Variants in UBR4 observed in about 807,000 individuals in gnomAD.
UBR4 encodes the protein E3 ubiquitin-protein ligase UBR4.
UBR4 carries 124 observed loss-of-function variants against 575.6 expected under a neutral mutation model. The observed-to-expected ratio is 0.22, with a 90% CI of 0.19 to 0.25. UBR4 has a LOEUF of 0.25. Ranked by LOEUF, UBR4 falls within the 10% of genes least tolerant of loss-of-function variation. The probability of loss-of-function intolerance (pLI) is 1.00; values close to 1 mark genes in which losing one functional copy is unlikely to be tolerated. For synonymous variants in UBR4, 2,455 were observed against 2,473.7 expected (o/e 0.99, Z 0.22); for missense variants, 4,818 against 6,478.8 (o/e 0.74, Z 8.80).
intron 99 of UBR4, 112 bp from the exon 100 acceptor site, chr1:19,086,933 T>G: frequency 6.9e-7 from 1 of 1,451,980 alleles, no homozygotes; most frequent in Non-Finnish European, 9.3e-7. Context: ...GGGTTTCAGG[T>G]TGCTCTCACT....
chr1:19,155,596 C>G lies in UBR4; in HGVS notation c.6145G>C (p.Val2049Leu). Reference protein sequence around the residue: ...FLLPSSKIRDVTFLFNEEGKN... With the variant: ...FLLPSSKIRDLTFLFNEEGKN... ...CCCTCCTCATTGAAAAGGAAGGTAACATCTCTTATCTTTGAGCTTGGCAGG... is the reference window on the plus strand; with the variant it reads ...CCCTCCTCATTGAAAAGGAAGGTAAGATCTCTTATCTTTGAGCTTGGCAGG... Residue 2049 changes from valine to leucine, a missense_variant, in exon 43 of 106, where the codon GTT becomes CTT. This residue lies in a region of UBR4 where 461 missense variants were observed against 606.9 expected (regional missense o/e 0.76). Transcript: ENST00000375254. The G allele has an allele frequency of 6.2e-7, 1 of 1,614,146 alleles. No individual in the cohort carries two copies. Among genetic ancestry groups the G allele is most frequent in the Non-Finnish European group, 8.5e-7 (1 of 1,180,030 alleles).
chr1:19,103,514 A>G (rs7515874), intron 87 of UBR4, among the ~76,000 whole-genome samples: 102,329 of 152,096 alleles, frequency 0.67, 35,292 homozygotes, highest in East Asian at 0.81. Context: ...GCGGTGAGCC[A>G]AGATCGCGTC....
rs1177420440 is a variant in UBR4 at position 19,150,582 on chromosome 1, C to T, written c.7425G>A (p.Leu2475=). 4 of 1,612,962 alleles carry T rather than the reference C, an allele frequency of 2.5e-6. No individual in the cohort carries two copies. Among genetic ancestry groups the T allele is most frequent in the Non-Finnish European group, 3.4e-6 (4 of 1,180,014 alleles). The change falls in exon 49 of 106, where the codon CTG becomes CTA. Residue 2475 remains leucine (L), a synonymous_variant. Transcript: ENST00000375254. ...AAPTTTSGTV[L]ERLVVSSLEA... is the part of the protein sequence containing the mutation. ...ACCCCTGCCAGCACTGGTACCTCTC[C>T]AGGACAGTTCCACTGGTCGTAGTGG... is the stretch of plus-strand genomic sequence containing the variant.
intron 1 of UBR4, among the ~76,000 whole-genome samples, chr1:19,206,770 T>C (rs2093033487): frequency 6.6e-6 from 1 of 152,234 alleles, no homozygotes; most frequent in African/African-American, 2.4e-5. Flanking sequence ...AAACATCCAA[T>C]GACTTGAGAG....
At chr1:19,160,044 A>G in intron 39 of UBR4, 67 bp downstream of exon 39, 1 of 1,573,112 alleles carries the variant, frequency 6.4e-7, no homozygotes, top group East Asian at 2.3e-5. Context: ...CATCTAGCAC[A>G]TTTTGGGATC....
At chr1:19,098,595 G>A (rs1336495172) in intron 90 of UBR4, among the ~76,000 whole-genome samples, 1 of 152,178 alleles carries the variant, frequency 6.6e-6, no homozygotes, top group African/African-American at 2.4e-5. Context: ...GTAACAAGAG[G>A]TACTGGCTGG....
chr1:19,173,105 T>C lies in UBR4; in HGVS notation c.3292-12A>G, dbSNP rs1457741453. The stretch of plus-strand genomic sequence containing the variant: ...CAGAAGGATGAGATCTTTAAAAATA[T>C]GCAAAATATAATTAGCTGTGGCAAT... On this transcript the variant is annotated splice_polypyrimidine_tract_variant and intron_variant, in intron 24 of 105. Coordinates refer to ENST00000375254, the MANE Select transcript of UBR4 (RefSeq NM_020765.3). 4 of 1,613,796 alleles carry C rather than the reference T, an allele frequency of 2.5e-6. No individual in the cohort carries two copies. Among genetic ancestry groups the C allele is most frequent in the African/African-American group, 2.7e-5 (2 of 75,054 alleles).
rs563325660 is a variant in UBR4, at chr1:19,141,753, T to A, written c.8204A>T (p.Asp2735Val). The change falls in exon 56 of 106, where the codon GAT becomes GTT. Residue 2735 changes from aspartate to valine, a missense_variant. Around this residue, in one of 29 missense-constraint regions of UBR4, gnomAD observed 129 missense variants for 198.4 expected, o/e 0.65. Transcript: ENST00000375254. ...PMGDKDDDDDDDADEKMQSSG... is the reference protein window; with the variant it reads ...PMGDKDDDDDVDADEKMQSSG... ...TGACTGCATTTTCTCATCTGCATCATCATCGTCATCATCATCCTTGTCTCC... is the reference window on the plus strand; with the variant it reads ...TGACTGCATTTTCTCATCTGCATCAACATCGTCATCATCATCCTTGTCTCC... 2 of 1,614,210 alleles carry A rather than the reference T, an allele frequency of 1.2e-6. No homozygotes were observed. Among genetic ancestry groups the A allele is most frequent in the Non-Finnish European group, 1.7e-6 (2 of 1,180,036 alleles).
At position 19,115,233 on chromosome 1, in the gene UBR4, T is replaced by A. The variant is rs200622878; in HGVS notation, c.11063+165A>T. 3.5e-3 allele frequency among the ~76,000 whole-genome samples: 406 copies of A among 114,908 alleles called. 1 individual carries two copies. Among genetic ancestry groups the A allele is most frequent in the Non-Finnish European group, 6.3e-3 (298 of 47,646 alleles). 75.4% of individuals were successfully genotyped at this position (114,908 alleles called of 152,430 possible). A position where few individuals can be genotyped will look rare whatever the true frequency, so the allele number is the denominator to read the frequency against. On this transcript the variant is annotated intron_variant, in intron 74 of 105. Transcript: ENST00000375254. ...CACACACACACACACTCACTCACTC[T>A]CTCTTCTTCCTCCTCCCTTTCTACC...
intron 71 of UBR4, 58 bp downstream of exon 71, chr1:19,118,814 A>G (rs1352848861): frequency 1.9e-6 from 3 of 1,570,912 alleles, no homozygotes; most frequent in Non-Finnish European, 2.6e-6. Context: ...CACCATGCAA[A>G]TAACTCCTCA....
chr1:19,103,486 A>G (rs534436916), intron 87 of UBR4, among the ~76,000 whole-genome samples: 1 of 152,140 alleles, frequency 6.6e-6, no homozygotes, highest in Non-Finnish European at 1.5e-5. Context: ...AATCGCTTGA[A>G]TCCTGGAGGC....
intron 20 of UBR4, among the ~76,000 whole-genome samples, chr1:19,175,359 C>G (rs180808120): frequency 3.3e-4 from 49 of 148,176 alleles, no homozygotes; most frequent in African/African-American, 1.2e-3. Context: ...GTAGGGTGCC[C>G]TAGAATCAAA....
At chr1:19,187,825 A>G (rs2091690090) in intron 11 of UBR4, among the ~76,000 whole-genome samples, 1 of 152,016 alleles carries the variant, frequency 6.6e-6, no homozygotes, top group Admixed American at 6.6e-5. Context: ...CACTTTTGAG[A>G]GGCCGAGATG....
In UBR4 at chr1:19,100,335, C is replaced by T. The variant is rs561399133; in HGVS notation, c.13221+41G>A. ...GATTTGGTTAGCCTAGGAGGAAGCC[C>T]CTAATCGTAAACGTGGGCAGCACTG... On this transcript the variant is annotated intron_variant, in intron 89 of 105. Transcript: ENST00000375254. This position sits in a 1 kb window ranked among gnomAD's most constrained non-coding sequence, Gnocchi z 4.2. 11 of 1,609,752 alleles carry T rather than the reference C, an allele frequency of 6.8e-6. No individual in the cohort carries two copies. The highest frequency in any genetic ancestry group is 1.9e-4 in the Middle Eastern group (1 of 5,212).
Position 19,100,791 on chromosome 1 carries a change from G to A in UBR4, c.13024-218C>T, listed in dbSNP as rs937826198. Among the ~76,000 whole-genome samples the A allele has an allele frequency of 8.6e-5, 13 of 151,908 alleles. No individual in the cohort carries two copies. Among genetic ancestry groups the A allele is most frequent in the African/African-American group, 2.4e-4 (10 of 41,336 alleles). On this transcript the variant is annotated intron_variant, in intron 88 of 105. Coordinates refer to ENST00000375254, the MANE Select transcript of UBR4 (RefSeq NM_020765.3). This position sits in a 1 kb window ranked among gnomAD's most constrained non-coding sequence, Gnocchi z 4.2. Reference sequence around the variant, plus strand: ...CAAGCATCTACCCTGAAACCCCAGGGTGGATTAGGAGATAAAGCCTAACAA... The same window carrying A: ...CAAGCATCTACCCTGAAACCCCAGGATGGATTAGGAGATAAAGCCTAACAA...
Position 19,157,018 on chromosome 1 carries a change from G to A in UBR4, c.5761-93C>T, listed in dbSNP as rs369982132. ...AAAACTCTTTCAATAGGGATAACAG[G>A]TTGCACACTTTTTTCTTTACAGATA... is the stretch of plus-strand genomic sequence containing the variant. On this transcript the variant is annotated intron_variant, in intron 40 of 105. Transcript: ENST00000375254. This position sits in a 1 kb window ranked among gnomAD's most constrained non-coding sequence, Gnocchi z 4.4. The A allele has an allele frequency of 1.4e-5, 19 of 1,404,788 alleles. No individual in the cohort carries two copies. The highest frequency in any genetic ancestry group is 2.9e-5 in the South Asian group (2 of 69,726). 87.0% of individuals were successfully genotyped at this position (1,404,788 alleles called of 1,614,324 possible). A position where few individuals can be genotyped will look rare whatever the true frequency, so the allele number is the denominator to read the frequency against.
chr1:19,173,006 C>T lies in UBR4; in HGVS notation c.3379G>A (p.Ala1127Thr), dbSNP rs758000549. 19 of 1,614,030 alleles carry T rather than the reference C, an allele frequency of 1.2e-5. No individual in the cohort carries two copies. Among genetic ancestry groups the T allele is most frequent in the Admixed American group, 5.0e-5 (3 of 59,996 alleles). ...AAAGAGACCTGGACCTTTGAGATCG[C>T]GGCATCAAGGGTGTAGATGGACTGC... ...SLQSIYTLDA[A>T]ISKVQVSLDE... The change falls in exon 25 of 106, where the codon GCG becomes ACG. Residue 1127 changes from alanine to threonine, a missense_variant. Coordinates refer to ENST00000375254, the MANE Select transcript of UBR4 (RefSeq NM_020765.3).
At chr1:19,187,726 C>G (rs538071154) in intron 11 of UBR4, among the ~76,000 whole-genome samples, 186 bp from the exon 12 acceptor site, 95 of 152,186 alleles carry the variant, frequency 6.2e-4, no homozygotes, top group Non-Finnish European at 1.1e-3. Context: ...TCCTTGAACC[C>G]CATCCACAGA....
At chr1:19,200,058 A>G (rs1049073992) in intron 2 of UBR4, among the ~76,000 whole-genome samples, 2 of 152,238 alleles carry the variant, frequency 1.3e-5, no homozygotes, top group Admixed American at 6.5e-5. Flanking sequence ...TATTCATATT[A>G]TCCCTGTCCA....
Sources: allele counts gnomAD v4.1 joint callset (sites outside exome capture counted in the v4.1 genomes callset), GRCh38; gene constraint gnomAD v4.1.1; regional missense constraint gnomAD v4.1.1; non-coding constraint Gnocchi (gnomAD v3.1); transcripts MANE v1.5; gene names NCBI Gene and HGNC (gene_info 2026-07-23, HGNC 2026-07-21).